The following NKAIN3 variants were observed in gnomAD, a reference collection of about 807,000 sequenced individuals.
NKAIN3 encodes sodium/potassium transporting ATPase interacting 3, also known as sodium/potassium-transporting ATPase subunit beta-1-interacting protein 3.
Under a neutral mutation model 30.2 loss-of-function variants are expected in NKAIN3, and 25 were observed. That is an observed-to-expected ratio of 0.83 (90% CI 0.60 to 1.16). NKAIN3 has a LOEUF of 1.16. NKAIN3 is among the 50% of genes most tolerant of loss of function. The pLI, the probability that NKAIN3 is intolerant of heterozygous loss-of-function variation, is 0.00. For synonymous variants in NKAIN3, 91 were observed against 89.6 expected (o/e 1.02, Z -0.09); for missense variants, 225 against 254.1 (o/e 0.89, Z 0.78).
At chr8:62,312,925 C>T (rs749693565) in intron 1 of NKAIN3, among the ~76,000 whole-genome samples, 4 of 151,796 alleles carry the variant, frequency 2.6e-5, no homozygotes, top group Admixed American at 6.6e-5. Flanking sequence ...ACAGAGAGCT[C>T]GAAGTTGAAT....
At chr8:62,382,600 A>G (rs1444131126) in intron 1 of NKAIN3, among the ~76,000 whole-genome samples, 3 of 152,168 alleles carry the variant, frequency 2.0e-5, no homozygotes, top group Non-Finnish European at 4.4e-5. Flanking sequence ...CAAGTCATAA[A>G]TGAAGTAAAA....
downstream of NKAIN3, among the ~76,000 whole-genome samples, chr8:62,989,698 T>C (rs1392091448): frequency 6.6e-6 from 1 of 152,172 alleles, no homozygotes; most frequent in African/African-American, 2.4e-5. Context: ...CGAAAAAACA[T>C]TTTTTAATAA....
intron 1 of NKAIN3, among the ~76,000 whole-genome samples, chr8:62,446,017 A>C (rs911681007): frequency 6.6e-6 from 1 of 152,198 alleles, no homozygotes; most frequent in Non-Finnish European, 1.5e-5. Context: ...TGGTGTTATG[A>C]AGTCATAGCA....
intron 1 of NKAIN3, among the ~76,000 whole-genome samples, chr8:62,353,990 G>A (rs562725922): frequency 1.3e-5 from 2 of 152,266 alleles, no homozygotes; most frequent in East Asian, 3.9e-4. Context: ...GAGGAGAAGG[G>A]TTGATTATAG....
At chr8:62,498,263 GT>G (rs1265148190) in intron 1 of NKAIN3, among the ~76,000 whole-genome samples, 1 of 152,042 alleles carries the variant, frequency 6.6e-6, no homozygotes, top group African/African-American at 2.4e-5. Flanking sequence ...ATGCTTTATT[GT>G]TTATAATACT....
At chr8:62,373,216 C>G (rs1028462008) in intron 1 of NKAIN3, among the ~76,000 whole-genome samples, 1 of 152,118 alleles carries the variant, frequency 6.6e-6, no homozygotes, top group African/African-American at 2.4e-5. Flanking sequence ...CTCTAAAAGA[C>G]TGCCAAATTT....
chr8:62,322,723 T>C (rs1314209355), intron 1 of NKAIN3, among the ~76,000 whole-genome samples: 1 of 152,134 alleles, frequency 6.6e-6, no homozygotes, highest in South Asian at 2.1e-4. Flanking sequence ...GCTTAAGCTA[T>C]TTAAATTGGA....
At position 62,937,868 on chromosome 8, in the gene NKAIN3, A is replaced by C. The variant is rs2130879192; in HGVS notation, c.533-16034A>C. 2.6e-5 allele frequency among the ~76,000 whole-genome samples: 4 copies of C among 152,124 alleles called. No individual in the cohort carries two copies. In the South Asian group the frequency reaches 8.3e-4, roughly 32 times the overall value. ...AATTTGGTGCTATTGGGGGTGACAT[A>C]GTGAGAGTGAGACTGGCCTTTCTGG... On this transcript the variant is annotated intron_variant, in intron 5 of 6. Transcript: ENST00000623646.
chr8:62,809,259 C>T (rs1818406354), intron 4 of NKAIN3, among the ~76,000 whole-genome samples: 1 of 152,132 alleles, frequency 6.6e-6, no homozygotes, highest in African/African-American at 2.4e-5. Context: ...AAGCAATCAT[C>T]ACAGGGTCCT....
At chr8:62,683,408 G>A (rs575476205) in intron 3 of NKAIN3, among the ~76,000 whole-genome samples, 110 of 152,256 alleles carry the variant, frequency 7.2e-4, no homozygotes, top group African/African-American at 2.6e-3. Flanking sequence ...CAAGTTACCA[G>A]GAAAACAATA....
chr8:62,299,371 A>G (rs1360701542), intron 1 of NKAIN3, among the ~76,000 whole-genome samples: 3 of 152,074 alleles, frequency 2.0e-5, no homozygotes, highest in South Asian at 2.1e-4. Context: ...AATGGAAGCC[A>G]CAGTGGCTTG....
At chr8:62,703,765 A>G (rs561979354) in intron 3 of NKAIN3, among the ~76,000 whole-genome samples, 2 of 152,328 alleles carry the variant, frequency 1.3e-5, no homozygotes, top group Non-Finnish European at 2.9e-5. Context: ...TTTAAGCTAC[A>G]CACTTGATCT....
intron 4 of NKAIN3, among the ~76,000 whole-genome samples, chr8:62,810,251 A>G (rs907431515): frequency 1.3e-5 from 2 of 152,198 alleles, no homozygotes; most frequent in Non-Finnish European, 2.9e-5. Context: ...TTTACTCTGG[A>G]GAAAAATGTA....
chr8:62,994,526 T>C (rs1357175642), intron 5 of NKAIN3, among the ~76,000 whole-genome samples: 2 of 152,218 alleles, frequency 1.3e-5, no homozygotes, highest in African/African-American at 4.8e-5. Flanking sequence ...ATTTTAGGCT[T>C]TCCTCATAAA....
At chr8:62,595,942 C>T (rs561158459) in intron 3 of NKAIN3, among the ~76,000 whole-genome samples, 1 of 152,160 alleles carries the variant, frequency 6.6e-6, no homozygotes, top group East Asian at 1.9e-4. Flanking sequence ...AAGAGACAAA[C>T]TTAACAAGGA....
Position 62,707,302 on chromosome 8 carries a change from A to G in NKAIN3, c.274-39630A>G, listed in dbSNP as rs929881119. Among the ~76,000 whole-genome samples, 7 of 152,246 alleles carry G rather than the reference A, an allele frequency of 4.6e-5. No individual in the cohort carries two copies. In the East Asian group the frequency reaches 1.3e-3, roughly 29 times the overall value. On this transcript the variant is annotated intron_variant, in intron 3 of 6. Transcript: ENST00000623646. ...ACTTTTAGTTATTTAAGGAATCTCC[A>G]CACTGTTTTCCATAGAGGCTGTACT...
At chr8:62,991,385 C>T (rs916754246) in intron 5 of NKAIN3, among the ~76,000 whole-genome samples, 2 of 152,104 alleles carry the variant, frequency 1.3e-5, no homozygotes, top group Non-Finnish European at 2.9e-5. Context: ...GAATTGTTGG[C>T]AAAGAAAAAG....
At chr8:62,664,819 A>C (rs1813049712) in intron 3 of NKAIN3, among the ~76,000 whole-genome samples, 1 of 152,170 alleles carries the variant, frequency 6.6e-6, no homozygotes, top group Admixed American at 6.5e-5. Context: ...TATGATTCAG[A>C]TCAAGAACTC....
chr8:62,769,138 C>G (rs1816939833), intron 4 of NKAIN3, among the ~76,000 whole-genome samples: 1 of 152,178 alleles, frequency 6.6e-6, no homozygotes, highest in Admixed American at 6.6e-5. Flanking sequence ...AATCCACATT[C>G]TAGTCTAGTG....
Sources: gnomAD v4.1 joint callset for allele counts (sites outside exome capture counted in the v4.1 genomes callset) on GRCh38, gnomAD v4.1.1 for gene constraint, MANE v1.5 for transcripts, NCBI Gene and HGNC (gene_info 2026-07-23, HGNC 2026-07-21) for gene names.